The following IK variants were observed in gnomAD, a reference collection of about 807,000 sequenced individuals.
The protein encoded by IK is IK cytokine.
Under a neutral mutation model 90.9 loss-of-function variants are expected in IK, and 47 were observed. That is an observed-to-expected ratio of 0.52 (90% CI 0.41 to 0.66). The LOEUF (loss-of-function observed/expected upper bound fraction) is 0.66. Among genes scored for constraint, IK ranks in the 30% least tolerant of loss-of-function variants. The pLI is 0.00. For synonymous variants in IK, 201 were observed against 227.5 expected (o/e 0.88, Z 1.05); for missense variants, 385 against 709.3 (o/e 0.54, Z 5.19).
In IK at chr5:140,654,315, C is replaced by T. The variant is rs116753411; in HGVS notation, c.520-201C>T. Among the ~76,000 whole-genome samples the T allele has an allele frequency of 3.8e-3, 577 of 152,366 alleles. 3 individuals carry two copies. The highest frequency in any genetic ancestry group is 0.013 in the African/African-American group (552 of 41,580). ...CTTCCTGTACCTTTGCATAGCCCTT[C>T]TGTTTCATTTACCACAGCAGTTATT... On this transcript the variant is annotated intron_variant, in intron 6 of 19. Coordinates refer to ENST00000417647, the MANE Select transcript of IK (RefSeq NM_006083.4).
chr5:140,657,726 C>G (rs538253015), intron 10 of IK, 64 bp downstream of exon 10: 1 of 1,020,064 alleles, frequency 9.8e-7, no homozygotes, highest in Admixed American at 2.2e-5. Flanking sequence ...AAACCAAGGT[C>G]TCCTGGAGCT....
chr5:140,658,594 A>G (rs1757748017), intron 10 of IK, 143 bp from the exon 11 acceptor site: 1 of 669,826 alleles, frequency 1.5e-6, no homozygotes, highest in Non-Finnish European at 2.7e-6. Flanking sequence ...TGCTGGGATT[A>G]CAGGCGTGAG....
At chr5:140,652,715 A>G (rs1039059486) in intron 4 of IK, among the ~76,000 whole-genome samples, 9 of 152,150 alleles carry the variant, frequency 5.9e-5, no homozygotes, top group African/African-American at 2.2e-4. Flanking sequence ...GAATTGGTAG[A>G]GTTGGGTGGT....
chr5:140,655,729 C>T, intron 8 of IK, 100 bp from the exon 9 acceptor site: 2 of 1,177,168 alleles, frequency 1.7e-6, no homozygotes, highest in South Asian at 2.9e-5. Flanking sequence ...TGACGCAAAG[C>T]TTGCATAGCA....
Position 140,659,817 on chromosome 5 carries a change from C to G in IK, c.1257C>G (p.Gly419=). ...SINEKFAGSA[G]WEGTESLKKP... ...ATGAAAAGTTTGCTGGGTCTGCTGG[C>G]TGGGAAGGCACAGAATCATATCCTT... The change falls in exon 14 of 20, where the codon GGC becomes GGG. Residue 419 remains glycine (G), a synonymous_variant. Transcript: ENST00000417647. 6.3e-7 allele frequency: 1 copy of G among 1,597,050 alleles called. No individual in the cohort carries two copies. Among genetic ancestry groups the G allele is most frequent in the African/African-American group, 1.3e-5 (1 of 74,750 alleles).
Position 140,648,112 on chromosome 5 carries a change from A to C in IK, c.16+188A>C, listed in dbSNP as rs750777592. Reference sequence around the variant, plus strand: ...GTCCTAAGTGAGGCCGACAGCTCCAAACTCCGTCCCCAGTCCTCACTCCTA... The same window carrying C: ...GTCCTAAGTGAGGCCGACAGCTCCACACTCCGTCCCCAGTCCTCACTCCTA... On this transcript the variant is annotated intron_variant, in intron 1 of 19. Transcript: ENST00000417647. 9.3e-6 allele frequency: 7 copies of C among 749,108 alleles called. No homozygotes were observed. The East Asian group carries it at 1.6e-4, about 17-fold the overall frequency. 46.4% of individuals were successfully genotyped at this position (749,108 alleles called of 1,614,324 possible). A position where few individuals can be genotyped will look rare whatever the true frequency, so the allele number is the denominator to read the frequency against.
Position 140,647,935 on chromosome 5 carries a change from G to C in IK, c.16+11G>C. The C allele has an allele frequency of 6.2e-7, 1 of 1,613,886 alleles. No homozygotes were observed. Among genetic ancestry groups the C allele is most frequent in the Non-Finnish European group, 8.5e-7 (1 of 1,179,832 alleles). The stretch of plus-strand genomic sequence containing the variant: ...TGCCGGAGCGAGATAGTAAGGCTCA[G>C]GCCATCCGTTATTTCTTCCCCATGG... On this transcript the variant is annotated intron_variant, in intron 1 of 19. Coordinates refer to ENST00000417647, the MANE Select transcript of IK (RefSeq NM_006083.4).
In IK at chr5:140,659,827, A is replaced by G; in HGVS notation, c.1267A>G (p.Thr423Ala). The G allele has an allele frequency of 1.3e-6, 2 of 1,590,186 alleles. No homozygotes were observed. Among genetic ancestry groups the G allele is most frequent in the South Asian group, 1.1e-5 (1 of 87,432 alleles). ...TGCTGGGTCTGCTGGCTGGGAAGGC[A>G]CAGAATCATATCCTTTATTTTAATA... Reference protein sequence around the residue: ...KFAGSAGWEGTESLKKPEDKK... With the variant: ...KFAGSAGWEGAESLKKPEDKK... Residue 423 changes from threonine to alanine, a missense_variant, in exon 14 of 20, where the codon ACA (threonine) becomes GCA (alanine). Thr to Ala is a moderately conservative substitution (Grantham distance 58, BLOSUM62 0). Coordinates refer to ENST00000417647, the MANE Select transcript of IK (RefSeq NM_006083.4).
At chr5:140,649,484 G>A (rs1757576780) in intron 2 of IK, among the ~76,000 whole-genome samples, 1 of 151,914 alleles carries the variant, frequency 6.6e-6, no homozygotes, top group Non-Finnish European at 1.5e-5. Context: ...TAAAGTGCTG[G>A]CATTACAGGC....
At chr5:140,662,146 G>C in intron 18 of IK, 33 bp from the exon 19 acceptor site, 1 of 1,613,486 alleles carries the variant, frequency 6.2e-7, no homozygotes, top group Non-Finnish European at 8.5e-7. Context: ...TAGATGGGCA[G>C]CTTGGTGATA....
intron 10 of IK, among the ~76,000 whole-genome samples, 171 bp from the exon 11 acceptor site, chr5:140,658,566 C>T (rs982698410): frequency 3.3e-5 from 5 of 152,136 alleles, no homozygotes; most frequent in Non-Finnish European, 7.3e-5. Flanking sequence ...GTGATCCGCC[C>T]GCCTTGGCCT....
At position 140,653,007 on chromosome 5, in the gene IK, T is replaced by TGA. The variant is rs747924967; in HGVS notation, c.281_282dup (p.Leu95SerfsTer2). ...ATGCCAAGCTACGCCAACAAGAAATTGAGAGAGAGAGAGAGCTAGCAGAGA... is the reference window on the plus strand; with the variant it reads ...ATGCCAAGCTACGCCAACAAGAAATTGAGAGAGAGAGAGAGAGCTAGCAGAGA... On this transcript the variant is annotated frameshift_variant, in exon 5 of 20. Transcript: ENST00000417647. LOFTEE classifies it high-confidence loss of function. The TGA allele has an allele frequency of 8.1e-6, 13 of 1,602,454 alleles. No individual in the cohort carries two copies. Among genetic ancestry groups the TGA allele is most frequent in the Admixed American group, 1.7e-5 (1 of 59,574 alleles).
chr5:140,654,404 C>A, intron 6 of IK, 112 bp from the exon 7 acceptor site: 1 of 854,762 alleles, frequency 1.2e-6, no homozygotes, highest in Non-Finnish European at 1.9e-6. Context: ...AGAGTAAGAA[C>A]AATATCTGTC....
intron 4 of IK, among the ~76,000 whole-genome samples, 168 bp from the exon 5 acceptor site, chr5:140,652,809 C>G (rs754947316): frequency 4.6e-5 from 7 of 152,116 alleles, no homozygotes; most frequent in Non-Finnish European, 1.0e-4. Flanking sequence ...AGTTGTAGTT[C>G]TGATTTTGAG....
At chr5:140,658,321 T>A (rs1757744217) in intron 10 of IK, among the ~76,000 whole-genome samples, 1 of 150,284 alleles carries the variant, frequency 6.7e-6, no homozygotes, top group Non-Finnish European at 1.5e-5. Context: ...ATTATTTTTA[T>A]TTATTTATTT....
chr5:140,650,733 C>T (rs911374838), intron 2 of IK, among the ~76,000 whole-genome samples: 1 of 152,096 alleles, frequency 6.6e-6, no homozygotes, highest in South Asian at 2.1e-4. Flanking sequence ...CCCACCACAA[C>T]GCCCAGCTAA....
At chr5:140,652,316 A>G (rs1349575517) in intron 4 of IK, among the ~76,000 whole-genome samples, 169 bp downstream of exon 4, 4 of 152,146 alleles carry the variant, frequency 2.6e-5, no homozygotes, top group Non-Finnish European at 4.4e-5. Context: ...GAATAGGCCT[A>G]TCTATATTTT....
At position 140,654,499 on chromosome 5, in the gene IK, G is replaced by C; in HGVS notation, c.520-17G>C. The stretch of plus-strand genomic sequence containing the variant: ...TATATAAAATGAGTGTCCTAACCCT[G>C]CTTGCTTTCCTGTTAGGTACGAGCT... On this transcript the variant is annotated splice_polypyrimidine_tract_variant and intron_variant, in intron 6 of 19. Coordinates refer to ENST00000417647, the MANE Select transcript of IK (RefSeq NM_006083.4). The C allele has an allele frequency of 2.5e-6, 4 of 1,573,492 alleles. No homozygotes were observed. Among genetic ancestry groups the C allele is most frequent in the Non-Finnish European group, 2.6e-6 (3 of 1,158,474 alleles).
At chr5:140,648,016 G>T in intron 1 of IK, 92 bp downstream of exon 1, 1 of 884,026 alleles carries the variant, frequency 1.1e-6, no homozygotes, top group Non-Finnish European at 1.8e-6. Flanking sequence ...GGGTGTGTGT[G>T]TGTGTGTGTG....
Sources: allele counts gnomAD v4.1 joint callset (sites outside exome capture counted in the v4.1 genomes callset), GRCh38; gene constraint gnomAD v4.1.1; transcripts MANE v1.5; gene names NCBI Gene and HGNC (gene_info 2026-07-23, HGNC 2026-07-21).